VWC2L: variants seen among roughly 807,000 people sequenced by gnomAD.
VWC2L encodes the protein von Willebrand factor C domain containing 2 like, also known as von Willebrand factor C domain-containing protein 2-like.
VWC2L carries 10 observed loss-of-function variants against 21.6 expected under a neutral mutation model. The ratio of observed to expected loss-of-function variants is 0.46; its 90% CI spans 0.29 to 0.78. VWC2L has a LOEUF of 0.78. Ranked by LOEUF, VWC2L falls within the 30% of genes least tolerant of loss-of-function variation. The probability of loss-of-function intolerance (pLI) is 0.10; values close to 1 mark genes in which losing one functional copy is unlikely to be tolerated. For synonymous variants in VWC2L, 96 were observed against 94.3 expected, an observed-to-expected ratio of 1.02 and a Z score of -0.10; for missense variants, 209 against 277.1, an observed-to-expected ratio of 0.75 and a Z score of 1.74.
intron 3 of VWC2L, among the ~76,000 whole-genome samples, chr2:214,502,903 G>T (rs1464850708): frequency 6.6e-6 from 1 of 152,024 alleles, no homozygotes; most frequent in Non-Finnish European, 1.5e-5. Flanking sequence ...CTAATACTTG[G>T]TATTACCATA....
At chr2:214,478,339 C>T (rs1439427393) in intron 3 of VWC2L, among the ~76,000 whole-genome samples, 4 of 151,922 alleles carry the variant, frequency 2.6e-5, no homozygotes, top group Admixed American at 1.3e-4. Context: ...ACTAGCTGGG[C>T]GTGGTGGCAG....
chr2:214,539,033 C>A (rs1689586036), intron 3 of VWC2L, among the ~76,000 whole-genome samples: 1 of 152,138 alleles, frequency 6.6e-6, no homozygotes, highest in African/African-American at 2.4e-5. Context: ...GGCTTCATAT[C>A]TAGTGATACC....
At position 214,414,449 on chromosome 2, in the gene VWC2L, G is replaced by A. The variant is rs758553594; in HGVS notation, c.256G>A (p.Asp86Asn). The A allele has an allele frequency of 1.4e-5, 23 of 1,613,288 alleles. 2 individuals carry two copies. Among genetic ancestry groups the A allele is most frequent in the South Asian group, 6.6e-5 (6 of 91,008 alleles). ...CTGTGCTCTAGATGGACCTGTTTGC[G>A]ACCAACCAGAATGCCCTAAAATTCA... is the stretch of plus-strand genomic sequence containing the variant. ...CVCALDGPVC[D>N]QPECPKIHPK... is the part of the protein sequence containing the mutation. Residue 86 changes from aspartate (D) to asparagine (N), a missense_variant, in exon 2 of 4, where the codon GAC (aspartate) becomes AAC (asparagine). Asp to Asn is a conservative substitution (Grantham distance 23). Coordinates refer to ENST00000312504, the MANE Select transcript of VWC2L (RefSeq NM_001080500.4).
chr2:214,424,642 T>G (rs1702495516), intron 2 of VWC2L, among the ~76,000 whole-genome samples: 1 of 152,202 alleles, frequency 6.6e-6, no homozygotes, highest in Non-Finnish European at 1.5e-5. Context: ...TTTCACAAAT[T>G]TATGTGACAG....
intron 3 of VWC2L, among the ~76,000 whole-genome samples, chr2:214,561,783 ATTATATATATATATAT>A (rs1689976152): frequency 1.1e-5 from 1 of 90,974 alleles, no homozygotes; most frequent in African/African-American, 6.1e-5. Context: ...CTCAAAAAAA[ATTATATATATATATAT>A]ATATATATAT....
chr2:214,427,673 A>G (rs1702545075), intron 2 of VWC2L, among the ~76,000 whole-genome samples: 1 of 152,148 alleles, frequency 6.6e-6, no homozygotes, highest in African/African-American at 2.4e-5. Flanking sequence ...ATCCTCTCCA[A>G]TACCAAAATC....
At chr2:214,487,945 C>T (rs1175381976) in intron 3 of VWC2L, among the ~76,000 whole-genome samples, 16 of 152,182 alleles carry the variant, frequency 1.1e-4, no homozygotes, top group Non-Finnish European at 1.2e-4. Flanking sequence ...GGTTGATCAG[C>T]TTGCAACAAC....
chr2:214,450,338 GA>G (rs1702934932), intron 3 of VWC2L, among the ~76,000 whole-genome samples: 1 of 152,268 alleles, frequency 6.6e-6, no homozygotes, highest in South Asian at 2.1e-4. Flanking sequence ...ATCAGAGAGG[GA>G]CAGAAAAGCT....
intron 3 of VWC2L, among the ~76,000 whole-genome samples, chr2:214,524,587 C>G (rs1689297738): frequency 6.6e-6 from 1 of 152,166 alleles, no homozygotes; most frequent in Non-Finnish European, 1.5e-5. Flanking sequence ...TTATTAAGTA[C>G]TAGCATGTGC....
chr2:214,443,665 G>A (rs149258311), intron 3 of VWC2L, among the ~76,000 whole-genome samples: 24 of 152,100 alleles, frequency 1.6e-4, no homozygotes, highest in African/African-American at 5.1e-4. Context: ...AGACTGAAGT[G>A]GACAATTTTT....
intron 3 of VWC2L, among the ~76,000 whole-genome samples, chr2:214,543,747 A>C (rs1689663228): frequency 6.6e-6 from 1 of 152,060 alleles, no homozygotes; most frequent in Admixed American, 6.5e-5. Flanking sequence ...ACAGCATCCT[A>C]TATGCCCTCT....
chr2:214,431,496 A>G (rs1220968104), intron 2 of VWC2L, among the ~76,000 whole-genome samples: 1 of 152,178 alleles, frequency 6.6e-6, no homozygotes, highest in Non-Finnish European at 1.5e-5. Flanking sequence ...AAGGAAACCC[A>G]TTTATAGGGT....
intron 3 of VWC2L, among the ~76,000 whole-genome samples, chr2:214,556,549 T>C (rs1306801987): frequency 1.3e-5 from 2 of 152,114 alleles, no homozygotes; most frequent in African/African-American, 4.8e-5. Flanking sequence ...CCCGAAAAAA[T>C]ACCCTACAAC....
At chr2:214,441,719 T>C (rs1179338631) in intron 3 of VWC2L, among the ~76,000 whole-genome samples, 3 of 152,052 alleles carry the variant, frequency 2.0e-5, no homozygotes, top group African/African-American at 7.2e-5. Flanking sequence ...TAATTAAATA[T>C]ATAACAGCCT....
At chr2:214,449,838 CAGG>C in intron 3 of VWC2L, among the ~76,000 whole-genome samples, 1 of 152,192 alleles carries the variant, frequency 6.6e-6, no homozygotes, top group Non-Finnish European at 1.5e-5. Context: ...TACTGTTTGT[CAGG>C]GTGGATAACT....
intron 3 of VWC2L, among the ~76,000 whole-genome samples, chr2:214,556,090 A>G (rs898324344): frequency 1.3e-5 from 2 of 152,112 alleles, no homozygotes; most frequent in African/African-American, 2.4e-5. Context: ...CGTCTCTACT[A>G]AAAATAAAAA....
intron 3 of VWC2L, among the ~76,000 whole-genome samples, chr2:214,498,777 TAA>T (rs901761153): frequency 6.0e-5 from 9 of 149,902 alleles, no homozygotes; most frequent in African/African-American, 2.2e-4. Context: ...ACATGTATTT[TAA>T]TATGTGTACA....
intron 3 of VWC2L, among the ~76,000 whole-genome samples, chr2:214,497,106 T>A (rs749306070): frequency 6.6e-6 from 1 of 152,212 alleles, no homozygotes; most frequent in Admixed American, 6.5e-5. Flanking sequence ...AGCTGGTACT[T>A]ACAGAAGTTC....
chr2:214,510,837 G>A (rs1689040608), intron 3 of VWC2L, among the ~76,000 whole-genome samples: 1 of 152,144 alleles, frequency 6.6e-6, no homozygotes, highest in African/African-American at 2.4e-5. Flanking sequence ...AGGCAACCCT[G>A]AATGTCAGTC....
Sources: allele counts gnomAD v4.1 joint callset (sites outside exome capture counted in the v4.1 genomes callset), GRCh38; gene constraint gnomAD v4.1.1; transcripts MANE v1.5; gene names NCBI Gene and HGNC (gene_info 2026-07-23, HGNC 2026-07-21).